ZSWIM6: variants seen among roughly 807,000 people sequenced by gnomAD.
ZSWIM6 encodes zinc finger SWIM domain-containing protein 6.
A neutral mutation model predicts 113.2 loss-of-function variants in ZSWIM6; 9 were observed. The observed-to-expected ratio is 0.08, with a 90% CI of 0.05 to 0.14. The LOEUF (loss-of-function observed/expected upper bound fraction) is 0.14, where lower values mean the gene tolerates loss of function less well. Ranked by LOEUF, ZSWIM6 falls within the 10% of genes least tolerant of loss-of-function variation. The pLI, the probability that ZSWIM6 is intolerant of heterozygous loss-of-function variation, is 1.00. For missense variants in ZSWIM6, 1,162 were observed against 1,552.2 expected, an observed-to-expected ratio of 0.75 and a Z score of 4.22; for synonymous variants, 611 against 606.5, an observed-to-expected ratio of 1.01 and a Z score of -0.11.
At chr5:61,421,188 G>A (rs1445553769) in intron 1 of ZSWIM6, among the ~76,000 whole-genome samples, 1 of 152,056 alleles carries the variant, frequency 6.6e-6, no homozygotes, top group African/African-American at 2.4e-5. Context: ...CCAAAGTGCT[G>A]GGATTACAAG....
chr5:61,466,262 A>G (rs1043667931), intron 1 of ZSWIM6, among the ~76,000 whole-genome samples: 2 of 152,332 alleles, frequency 1.3e-5, no homozygotes, highest in Middle Eastern at 3.4e-3. Context: ...ATAATCAAGT[A>G]TTAGTTACTA....
intron 1 of ZSWIM6, among the ~76,000 whole-genome samples, chr5:61,382,607 C>G (rs1249002352): frequency 6.6e-6 from 1 of 152,052 alleles, no homozygotes; most frequent in African/African-American, 2.4e-5. Context: ...AGTTTGAGAC[C>G]AGCCTGGCCA....
At chr5:61,392,586 T>C (rs1745744451) in intron 1 of ZSWIM6, among the ~76,000 whole-genome samples, 1 of 152,168 alleles carries the variant, frequency 6.6e-6, no homozygotes. Flanking sequence ...TAAAGTTATA[T>C]AACTTCACAT....
At position 61,531,266 on chromosome 5, in the gene ZSWIM6, C is replaced by T. The variant is rs568180702; in HGVS notation, c.1985-199C>T. Among the ~76,000 whole-genome samples the T allele has an allele frequency of 7.9e-5, 12 of 152,268 alleles. No homozygotes were observed. The South Asian group carries it at 1.0e-3, about 13-fold the overall frequency. ...ATTTGTAATGTTATATCCCCCAAAA[C>T]GTAAACATTTAATCATTCATGGTCA... On this transcript the variant is annotated intron_variant, in intron 8 of 13. Coordinates refer to ENST00000252744, the MANE Select transcript of ZSWIM6 (RefSeq NM_020928.2).
intron 1 of ZSWIM6, among the ~76,000 whole-genome samples, chr5:61,454,567 G>GTTTTTTTTTT (rs35249460): frequency 3.1e-5 from 4 of 128,244 alleles, no homozygotes; most frequent in Non-Finnish European, 3.2e-5. Flanking sequence ...CTATCCCTAA[G>GTTTTTTTTTT]TTTTTTTTTT....
chr5:61,456,654 G>A (rs1052331047), intron 1 of ZSWIM6, among the ~76,000 whole-genome samples: 7 of 152,170 alleles, frequency 4.6e-5, no homozygotes, highest in African/African-American at 7.2e-5. Flanking sequence ...GAAGGATAAG[G>A]GAAAGAGGCA....
intron 12 of ZSWIM6, among the ~76,000 whole-genome samples, chr5:61,541,117 T>C (rs1280577116): frequency 6.6e-6 from 1 of 151,994 alleles, no homozygotes; most frequent in Non-Finnish European, 1.5e-5. Context: ...CTAATTTTTA[T>C]GTTTTTAATA....
chr5:61,476,202 T>C (rs973528263), intron 2 of ZSWIM6, among the ~76,000 whole-genome samples: 14 of 152,218 alleles, frequency 9.2e-5, no homozygotes, highest in Non-Finnish European at 1.6e-4. Context: ...GTTTTTCTTA[T>C]TATTTTGCAA....
chr5:61,525,846 G>A lies in ZSWIM6; in HGVS notation c.1560G>A (p.Glu520=). The A allele has an allele frequency of 6.4e-7, 1 of 1,551,848 alleles. No homozygotes were observed. The highest frequency in any genetic ancestry group is 8.7e-7 in the Non-Finnish European group (1 of 1,147,014). The change falls in exon 6 of 14, where the codon GAG becomes GAA. Residue 520 remains glutamate, a synonymous_variant. Transcript: ENST00000252744. ...GGACAGTGTTCACCCGAGCCATCGA[G>A]GCATGCGATCTCCACTGGCAGGATA... ...PHRTVFTRAI[E]ACDLHWQDSH...
intron 1 of ZSWIM6, among the ~76,000 whole-genome samples, chr5:61,421,094 T>TTTA (rs1341617729): frequency 3.3e-5 from 5 of 149,998 alleles, no homozygotes; most frequent in African/African-American, 1.3e-4. Flanking sequence ...TATTTATTTA[T>TTTA]TTTTTATTAG....
chr5:61,522,090 T>G (rs554236627), intron 5 of ZSWIM6, among the ~76,000 whole-genome samples: 153 of 142,158 alleles, frequency 1.1e-3, no homozygotes, highest in African/African-American at 3.7e-3. Flanking sequence ...GTTTTTTTTG[T>G]TTGTTTTTTT....
chr5:61,334,217 C>G (rs1359033065), intron 1 of ZSWIM6, among the ~76,000 whole-genome samples: 1 of 152,170 alleles, frequency 6.6e-6, no homozygotes, highest in Non-Finnish European at 1.5e-5. Flanking sequence ...CTCCTGTTCC[C>G]CCTCCCCTAA....
intron 2 of ZSWIM6, among the ~76,000 whole-genome samples, chr5:61,480,403 G>A (rs1747824621): frequency 6.6e-6 from 1 of 152,146 alleles, no homozygotes; most frequent in Admixed American, 6.5e-5. Context: ...CTAAAAGGAA[G>A]GTGGTTTGTT....
At chr5:61,342,948 G>C (rs932684368) in intron 1 of ZSWIM6, among the ~76,000 whole-genome samples, 1 of 152,142 alleles carries the variant, frequency 6.6e-6, no homozygotes, top group African/African-American at 2.4e-5. Flanking sequence ...GGATGGTTGT[G>C]TTGGGTGATT....
intron 1 of ZSWIM6, among the ~76,000 whole-genome samples, chr5:61,456,549 G>A (rs1747209001): frequency 1.3e-5 from 2 of 152,164 alleles, no homozygotes; most frequent in South Asian, 4.1e-4. Context: ...CAGTTGCTGG[G>A]GAATACAGCT....
chr5:61,529,485 TG>T (rs1347446781), intron 7 of ZSWIM6, among the ~76,000 whole-genome samples: 2 of 152,218 alleles, frequency 1.3e-5, no homozygotes, highest in Non-Finnish European at 2.9e-5. Context: ...CATAAGGTGA[TG>T]GGGGTAATTT....
At chr5:61,349,957 A>G (rs1271604436) in intron 1 of ZSWIM6, among the ~76,000 whole-genome samples, 1 of 152,254 alleles carries the variant, frequency 6.6e-6, no homozygotes, top group Admixed American at 6.5e-5. Flanking sequence ...ACATTGTGAA[A>G]TGACACTGTC....
At chr5:61,486,916 A>T (rs1437195084) in intron 2 of ZSWIM6, among the ~76,000 whole-genome samples, 1 of 151,820 alleles carries the variant, frequency 6.6e-6, no homozygotes, top group Non-Finnish European at 1.5e-5. Context: ...CTTTTGCTGT[A>T]CAGAAGCTTT....
At chr5:61,377,062 A>G (rs1231667331) in intron 1 of ZSWIM6, among the ~76,000 whole-genome samples, 1 of 152,204 alleles carries the variant, frequency 6.6e-6, no homozygotes, top group Non-Finnish European at 1.5e-5. Flanking sequence ...GTAAGCTACA[A>G]TAATTAAAAC....
Sources: allele counts gnomAD v4.1 joint callset (sites outside exome capture counted in the v4.1 genomes callset), GRCh38; gene constraint gnomAD v4.1.1; transcripts MANE v1.5; gene names NCBI Gene and HGNC (gene_info 2026-07-23, HGNC 2026-07-21).